Variants in RBFOX1 observed in about 807,000 individuals in gnomAD.
The protein encoded by RBFOX1 is RNA binding fox-1 homolog 1, also known as RNA binding protein fox-1 homolog 1.
RBFOX1 carries 8 observed loss-of-function variants against 57.7 expected under a neutral mutation model. The observed-to-expected ratio is 0.14, with a 90% CI of 0.08 to 0.25. RBFOX1 has a LOEUF of 0.25. Ranked by LOEUF, RBFOX1 falls within the 10% of genes least tolerant of loss-of-function variation. The pLI is 1.00. For missense variants in RBFOX1, 611 were observed against 548.5 expected (o/e 1.11, Z -1.14); for synonymous variants, 326 against 222.4 (o/e 1.47, Z -4.15).
rs909122519 is a variant in RBFOX1 at position 7,158,487 on chromosome 16, TA to T, written c.27+106392del. Among the ~76,000 whole-genome samples, 8 of 152,150 alleles carry T rather than the reference TA, an allele frequency of 5.3e-5. 1 individual carries two copies. Among genetic ancestry groups the T allele is most frequent in the Admixed American group, 1.3e-4 (2 of 15,266 alleles). On this transcript the variant is annotated intron_variant, in intron 4 of 15. Transcript: ENST00000550418. ...CTGACCTTTTTCAGATTTCCCTAGT[TA>T]AATTTGTACTCCTGTGGGATGTATG...
chr16:7,408,040 C>G (rs574463168), intron 4 of RBFOX1, among the ~76,000 whole-genome samples: 1 of 152,304 alleles, frequency 6.6e-6, no homozygotes, highest in Admixed American at 6.5e-5. Context: ...AAACTGATAA[C>G]CCTTGCTTTA....
intron 2 of RBFOX1, among the ~76,000 whole-genome samples, chr16:5,519,543 G>T (rs1201216208): frequency 6.6e-6 from 1 of 152,154 alleles, no homozygotes; most frequent in African/African-American, 2.4e-5. Flanking sequence ...GGGCAACCAG[G>T]GGAGACCTTG....
chr16:7,413,623 C>T (rs190196173), intron 4 of RBFOX1, among the ~76,000 whole-genome samples: 16 of 152,182 alleles, frequency 1.1e-4, no homozygotes, highest in African/African-American at 3.1e-4. Flanking sequence ...TGCTTGTCCT[C>T]TTGCTATTCC....
At chr16:6,992,987 G>A (rs113050926) in intron 3 of RBFOX1, among the ~76,000 whole-genome samples, 4 of 152,116 alleles carry the variant, frequency 2.6e-5, no homozygotes, top group Admixed American at 6.6e-5. Context: ...ACATAAAGCC[G>A]AGAGCCTGAC....
intron 4 of RBFOX1, among the ~76,000 whole-genome samples, chr16:7,453,019 C>G (rs1340254745): frequency 4.0e-5 from 6 of 150,918 alleles, no homozygotes; most frequent in Non-Finnish European, 8.8e-5. Flanking sequence ...ATTGCAGCTA[C>G]TAGGGGGGCT....
chr16:5,562,199 A>G (rs1425469866), intron 2 of RBFOX1, among the ~76,000 whole-genome samples: 1 of 152,174 alleles, frequency 6.6e-6, no homozygotes, highest in Non-Finnish European at 1.5e-5. Context: ...TTTCTGCTCC[A>G]TCCAAGTTTA....
At chr16:7,373,689 G>T (rs985789371) in intron 4 of RBFOX1, among the ~76,000 whole-genome samples, 1 of 151,808 alleles carries the variant, frequency 6.6e-6, no homozygotes, top group African/African-American at 2.4e-5. Context: ...AGCAATAATT[G>T]CAATGGTCAG....
At chr16:5,591,544 C>A (rs2047008087) in intron 2 of RBFOX1, among the ~76,000 whole-genome samples, 1 of 152,166 alleles carries the variant, frequency 6.6e-6, no homozygotes, top group Non-Finnish European at 1.5e-5. Flanking sequence ...AGTCACTGCG[C>A]CTGGTCCAAA....
intron 4 of RBFOX1, among the ~76,000 whole-genome samples, chr16:7,058,506 C>T (rs1047968976): frequency 6.6e-6 from 1 of 152,166 alleles, no homozygotes; most frequent in Admixed American, 6.5e-5. Context: ...CATGTTACTT[C>T]AATCCTCTCT....
chr16:5,544,376 T>A (rs914280716), intron 2 of RBFOX1, among the ~76,000 whole-genome samples: 1 of 152,098 alleles, frequency 6.6e-6, no homozygotes, highest in African/African-American at 2.4e-5. Context: ...TTGAATTGAA[T>A]GAAAATGAAA....
intron 1 of RBFOX1, among the ~76,000 whole-genome samples, chr16:5,453,349 G>A (rs2068485400): frequency 6.6e-6 from 1 of 152,156 alleles, no homozygotes; most frequent in Non-Finnish European, 1.5e-5. Flanking sequence ...AGATTGATGG[G>A]AGTAGGGAAG....
intron 1 of RBFOX1, among the ~76,000 whole-genome samples, chr16:5,303,287 G>T (rs1260551487): frequency 1.3e-5 from 2 of 152,096 alleles, no homozygotes; most frequent in African/African-American, 4.8e-5. Context: ...ATTCTCCCTG[G>T]GATTTTCTGT....
chr16:6,289,734 GA>G (rs747003134), intron 1 of RBFOX1, among the ~76,000 whole-genome samples: 7 of 152,116 alleles, frequency 4.6e-5, no homozygotes, highest in African/African-American at 1.4e-4. Context: ...ATCCTGGGGG[GA>G]AAATGCCTTC....
At chr16:7,282,323 C>A (rs778695244) in intron 4 of RBFOX1, among the ~76,000 whole-genome samples, 1 of 152,100 alleles carries the variant, frequency 6.6e-6, no homozygotes, top group Non-Finnish European at 1.5e-5. Context: ...TACTTGTTCA[C>A]CCCCAACTCA....
chr16:5,299,305 A>T (rs1013242928), intron 1 of RBFOX1, among the ~76,000 whole-genome samples: 1 of 152,132 alleles, frequency 6.6e-6, no homozygotes, highest in Non-Finnish European at 1.5e-5. Flanking sequence ...GTAGCAGTCC[A>T]TTGAATGCAT....
At chr16:5,366,599 A>G in intron 1 of RBFOX1, 1 of 392,650 alleles carries the variant, frequency 2.5e-6, no homozygotes, top group Non-Finnish European at 4.9e-6. Context: ...CCCAGAGAGG[A>G]AGCAAAGTTC....
intron 11 of RBFOX1, among the ~76,000 whole-genome samples, chr16:7,650,315 T>C (rs1047381065): frequency 4.8e-5 from 7 of 144,546 alleles, no homozygotes; most frequent in South Asian, 2.1e-4. Flanking sequence ...GGAACTCTCT[T>C]TTTTTTTTTT....
intron 4 of RBFOX1, among the ~76,000 whole-genome samples, chr16:7,177,512 G>A (rs1406690111): frequency 2.0e-5 from 3 of 151,568 alleles, no homozygotes; most frequent in Non-Finnish European, 4.4e-5. Context: ...AATACAAAAA[G>A]AAGTAGATCA....
intron 4 of RBFOX1, among the ~76,000 whole-genome samples, chr16:7,365,768 C>A (rs2097431578): frequency 6.6e-6 from 1 of 152,158 alleles, no homozygotes; most frequent in African/African-American, 2.4e-5. Flanking sequence ...GATGTAAACA[C>A]AACTCAAGTC....
Sources: gnomAD v4.1 joint callset for allele counts (sites outside exome capture counted in the v4.1 genomes callset) on GRCh38, gnomAD v4.1.1 for gene constraint, MANE v1.5 for transcripts, NCBI Gene and HGNC (gene_info 2026-07-23, HGNC 2026-07-21) for gene names.